Variants in ZYG11A observed in about 807,000 individuals in gnomAD.
ZYG11A encodes protein zyg-11 homolog A.
A neutral mutation model predicts 77.2 loss-of-function variants in ZYG11A; 62 were observed. The ratio of observed to expected loss-of-function variants is 0.80; its 90% CI spans 0.65 to 0.99. ZYG11A has a LOEUF of 0.99. Ranked by LOEUF, ZYG11A falls within the 50% of genes least tolerant of loss-of-function variation. The pLI is 0.00. For missense variants in ZYG11A, 828 were observed against 896.8 expected, an observed-to-expected ratio of 0.92 and a Z score of 0.98; for synonymous variants, 315 against 324.6, an observed-to-expected ratio of 0.97 and a Z score of 0.32.
chr1:52,865,456 T>A (rs997064500), intron 5 of ZYG11A, among the ~76,000 whole-genome samples: 1 of 152,216 alleles, frequency 6.6e-6, no homozygotes, highest in African/African-American at 2.4e-5. Context: ...TACCTAGTCA[T>A]TCCACTCCTA....
chr1:52,842,773 G>A lies in ZYG11A; in HGVS notation c.-111G>A. 9 of 1,027,254 alleles carry A rather than the reference G, an allele frequency of 8.8e-6. No homozygotes were observed. The highest frequency in any genetic ancestry group is 3.2e-5 in the East Asian group (1 of 31,496). 63.6% of individuals were successfully genotyped at this position (1,027,254 alleles called of 1,614,324 possible). ...GCAGGGCGCGGCGCTAGCTCCGTGT[G>A]CCTCGCAGGCGTGGTGGGCGCGTCC... is the stretch of plus-strand genomic sequence containing the variant. On this transcript the variant is annotated 5_prime_UTR_variant, in exon 1 of 14. Transcript: ENST00000371528.
chr1:52,867,570 C>T lies in ZYG11A; in HGVS notation c.1423C>T (p.Leu475Phe). The T allele has an allele frequency of 6.4e-7, 1 of 1,552,134 alleles. No individual in the cohort carries two copies. Among genetic ancestry groups the T allele is most frequent in the Non-Finnish European group, 8.7e-7 (1 of 1,146,984 alleles). ...FDAAKFVMRW[L>F]CKHENPKMQT... ...TGCTGCCAAGTTTGTCATGAGATGGCTCTGTAAGCATGAAAACCCCAAGAT... is the reference window on the plus strand; with the variant it reads ...TGCTGCCAAGTTTGTCATGAGATGGTTCTGTAAGCATGAAAACCCCAAGAT... The change falls in exon 7 of 14, where the codon CTC becomes TTC. Residue 475 changes from leucine to phenylalanine, a missense_variant. Leu to Phe is a conservative substitution (Grantham distance 22). Transcript: ENST00000371528.
intron 10 of ZYG11A, among the ~76,000 whole-genome samples, chr1:52,879,701 C>T (rs1021622823): frequency 6.6e-6 from 1 of 152,004 alleles, no homozygotes; most frequent in African/African-American, 2.4e-5. Context: ...ATATCCTGTA[C>T]AATTCTACAT....
intron 1 of ZYG11A, among the ~76,000 whole-genome samples, chr1:52,847,012 T>C (rs1263981889): frequency 2.6e-5 from 4 of 151,858 alleles, no homozygotes; most frequent in Admixed American, 2.6e-4. Context: ...CACGCCTGGC[T>C]AATTTTTGTA....
At chr1:52,877,138 C>T (rs1045315151) in intron 8 of ZYG11A, among the ~76,000 whole-genome samples, 6 of 152,092 alleles carry the variant, frequency 3.9e-5, no homozygotes, top group African/African-American at 1.4e-4. Flanking sequence ...CCCCCAGCCC[C>T]GTTCCTGCAT....
In ZYG11A at chr1:52,867,624, A is replaced by G. The variant is rs1369480362; in HGVS notation, c.1477A>G (p.Ile493Val). 1.9e-6 allele frequency: 3 copies of G among 1,552,188 alleles called. No homozygotes were observed. Among genetic ancestry groups the G allele is most frequent in the African/African-American group, 1.4e-5 (1 of 73,154 alleles). ...AACAATGGCAGTGAGTGTCACCTCTATTCTGGCTCTGCAGGTTTGTGATTT... is the reference window on the plus strand; with the variant it reads ...AACAATGGCAGTGAGTGTCACCTCTGTTCTGGCTCTGCAGGTTTGTGATTT... ...MQTMAVSVTS[I>V]LALQLSPEQT... The change falls in exon 7 of 14, where the codon ATT becomes GTT. Residue 493 changes from isoleucine (I) to valine (V), a missense_variant. By Grantham distance (29) the Ile-to-Val change is conservative. Transcript: ENST00000371528.
In ZYG11A at chr1:52,860,814, C is replaced by G. The variant is rs938881250; in HGVS notation, c.1092C>G (p.Leu364=). 3 of 1,551,380 alleles carry G rather than the reference C, an allele frequency of 1.9e-6. No homozygotes were observed. The highest frequency in any genetic ancestry group is 2.6e-6 in the Non-Finnish European group (3 of 1,146,838). Residue 364 remains leucine, a synonymous_variant, in exon 4 of 14, where the codon CTC becomes CTG. Coordinates refer to ENST00000371528, the MANE Select transcript of ZYG11A (RefSeq NM_001004339.3). ...RNRSCFVKEA[L]HRLFTETFSM... ...GATCATGTTTTGTGAAGGAAGCCCTCCACAGGCTGTTCACAGAGACATTTT... is the reference window on the plus strand; with the variant it reads ...GATCATGTTTTGTGAAGGAAGCCCTGCACAGGCTGTTCACAGAGACATTTT...
chr1:52,891,456 T>G (rs75464024), intron 13 of ZYG11A, among the ~76,000 whole-genome samples: 2 of 151,790 alleles, frequency 1.3e-5, no homozygotes, highest in African/African-American at 2.4e-5. Context: ...CCTGAGGCGG[T>G]TTTGTATTCG....
rs80220757 is a variant in ZYG11A at position 52,877,230 on chromosome 1, C to T, written c.1543-452C>T. ...ATTATCTTTGTATGGAGGCTTCCCTCTCCTACCCTTCCTAAAGCCTCAATT... is the reference window on the plus strand; with the variant it reads ...ATTATCTTTGTATGGAGGCTTCCCTTTCCTACCCTTCCTAAAGCCTCAATT... On this transcript the variant is annotated intron_variant, in intron 8 of 13. Coordinates refer to ENST00000371528, the MANE Select transcript of ZYG11A (RefSeq NM_001004339.3). 8.7e-3 allele frequency among the ~76,000 whole-genome samples: 1,320 copies of T among 152,282 alleles called. 8 individuals carry two copies. Among genetic ancestry groups the T allele is most frequent in the Admixed American group, 0.02 (308 of 15,290 alleles).
At chr1:52,843,628 C>G (rs1308171850) in intron 1 of ZYG11A, among the ~76,000 whole-genome samples, 1 of 152,170 alleles carries the variant, frequency 6.6e-6, no homozygotes, top group Non-Finnish European at 1.5e-5. Context: ...AAATGCAAAC[C>G]CAAAGAATGT....
intron 1 of ZYG11A, among the ~76,000 whole-genome samples, chr1:52,845,953 G>A (rs1448295834): frequency 2.0e-5 from 3 of 151,914 alleles, no homozygotes; most frequent in East Asian, 1.9e-4. Flanking sequence ...CACTGTGCCC[G>A]GCCTTTCTGT....
chr1:52,890,847 G>C (rs781504037), intron 13 of ZYG11A, among the ~76,000 whole-genome samples: 2 of 151,816 alleles, frequency 1.3e-5, no homozygotes, highest in Non-Finnish European at 2.9e-5. Context: ...TTAGATTACA[G>C]GAATGAACCA....
chr1:52,864,652 TTTC>T (rs1397098001), intron 5 of ZYG11A, among the ~76,000 whole-genome samples: 2 of 151,988 alleles, frequency 1.3e-5, no homozygotes, highest in African/African-American at 2.4e-5. Context: ...AGGCTAAAAT[TTTC>T]TTTTTTTTGA....
chr1:52,853,895 C>A (rs937657320), intron 1 of ZYG11A, among the ~76,000 whole-genome samples: 6 of 151,866 alleles, frequency 4.0e-5, no homozygotes, highest in Non-Finnish European at 4.4e-5. Context: ...GATAGTGAGA[C>A]CCTGTTTCAA....
chr1:52,853,911 AG>A (rs1645760512), intron 1 of ZYG11A, among the ~76,000 whole-genome samples: 1 of 152,216 alleles, frequency 6.6e-6, no homozygotes, highest in African/African-American at 2.4e-5. Context: ...TTCAAAAAAA[AG>A]AAAAAAAGAA....
At chr1:52,879,016 C>A (rs1646315926) in intron 10 of ZYG11A, among the ~76,000 whole-genome samples, 1 of 150,216 alleles carries the variant, frequency 6.7e-6, no homozygotes, top group African/African-American at 2.4e-5. Context: ...GGCTCCAGAC[C>A]CTCTGATATT....
chr1:52,846,334 A>T (rs1027308710), intron 1 of ZYG11A, among the ~76,000 whole-genome samples: 3,804 of 19,150 alleles, frequency 0.2, 380 homozygotes, highest in African/African-American at 0.41. Context: ...ATATATATAT[A>T]TATATATATA....
intron 8 of ZYG11A, among the ~76,000 whole-genome samples, chr1:52,868,038 C>G (rs1343757473): frequency 9.3e-6 from 1 of 107,372 alleles, no homozygotes; most frequent in Non-Finnish European, 1.9e-5. Flanking sequence ...GCGATCTCGG[C>G]TCACTGCAAC....
chr1:52,879,028 A>G (rs1442854312), intron 10 of ZYG11A, among the ~76,000 whole-genome samples: 2 of 151,106 alleles, frequency 1.3e-5, no homozygotes, highest in East Asian at 1.9e-4. Context: ...TCTGATATTA[A>G]TCACTTTACT....
Sources: allele counts gnomAD v4.1 joint callset (sites outside exome capture counted in the v4.1 genomes callset), GRCh38; gene constraint gnomAD v4.1.1; transcripts MANE v1.5; gene names NCBI Gene and HGNC (gene_info 2026-07-23, HGNC 2026-07-21).